GPAT3: variants seen among roughly 807,000 people sequenced by gnomAD.
The protein encoded by GPAT3 is glycerol-3-phosphate acyltransferase 3, also known as 1-AGP acyltransferase 9.
GPAT3 carries 53 observed loss-of-function variants against 58.8 expected under a neutral mutation model. The observed-to-expected ratio is 0.90, with a 90% confidence interval of 0.72 to 1.13. GPAT3 has a LOEUF of 1.13. Ranked by LOEUF, GPAT3 falls within the 50% of genes most tolerant of loss-of-function variation. The pLI is 0.00. For missense variants in GPAT3, 511 were observed against 527.6 expected (o/e 0.97, Z 0.31); for synonymous variants, 197 against 187.4 (o/e 1.05, Z -0.42).
intron 2 of GPAT3, among the ~76,000 whole-genome samples, chr4:83,562,646 A>G (rs1014143411): frequency 1.3e-5 from 2 of 152,162 alleles, no homozygotes; most frequent in African/African-American, 4.8e-5. Context: ...TAGTAGATTT[A>G]ATGAACTCAC....
At chr4:83,552,849 G>A (rs1724803999) in intron 2 of GPAT3, among the ~76,000 whole-genome samples, 1 of 152,274 alleles carries the variant, frequency 6.6e-6, no homozygotes, top group South Asian at 2.1e-4. Flanking sequence ...ATTAAGTCAT[G>A]AAGGTAGAGC....
chr4:83,545,015 A>G (rs1252121266), intron 2 of GPAT3, among the ~76,000 whole-genome samples: 2 of 152,220 alleles, frequency 1.3e-5, no homozygotes, highest in Non-Finnish European at 2.9e-5. Flanking sequence ...TTTTCTGCTG[A>G]AGGCTAATTG....
chr4:83,595,039 G>A lies in GPAT3; in HGVS notation c.854+79G>A, dbSNP rs544995104. 2.3e-5 allele frequency: 27 copies of A among 1,195,752 alleles called. No individual in the cohort carries two copies. The East Asian group carries it at 4.0e-4, about 18-fold the overall frequency. The allele number at this position is 1,195,752 out of a possible 1,614,324, so 74.1% of individuals were successfully genotyped here. ...CTTGGCCTTGCTACCAAAGAGGGCC[G>A]AGCAGCACTGAGTCTCAAAACTGAA... On this transcript the variant is annotated intron_variant, in intron 7 of 11. Transcript: ENST00000264409.
intron 11 of GPAT3, among the ~76,000 whole-genome samples, 165 bp downstream of exon 11, chr4:83,598,888 C>G (rs113933654): frequency 0.025 from 3,612 of 146,344 alleles, 145 homozygotes; most frequent in African/African-American, 0.085. Context: ...CGCCTGGGCT[C>G]AAGGGATCCT....
At chr4:83,555,824 A>T (rs28463240) in intron 2 of GPAT3, among the ~76,000 whole-genome samples, 2 of 152,078 alleles carry the variant, frequency 1.3e-5, no homozygotes, top group Non-Finnish European at 2.9e-5. Flanking sequence ...CTCTAACTCC[A>T]GGTAGATAGT....
chr4:83,563,158 T>A (rs979680086), intron 2 of GPAT3, among the ~76,000 whole-genome samples: 4 of 152,172 alleles, frequency 2.6e-5, no homozygotes, highest in South Asian at 2.1e-4. Context: ...CATACTGATG[T>A]TTTTCTGGGA....
intron 1 of GPAT3, among the ~76,000 whole-genome samples, chr4:83,543,104 A>G (rs1421379823): frequency 1.3e-5 from 2 of 152,210 alleles, no homozygotes; most frequent in East Asian, 3.8e-4. Flanking sequence ...GTTTGAGTAC[A>G]GTCTGGTCGA....
intron 2 of GPAT3, among the ~76,000 whole-genome samples, chr4:83,560,183 GCC>G (rs1174155661): frequency 6.6e-6 from 1 of 152,160 alleles, no homozygotes; most frequent in East Asian, 1.9e-4. Context: ...TTGCCTAGAG[GCC>G]CATGAAGTTT....
intron 2 of GPAT3, among the ~76,000 whole-genome samples, chr4:83,579,229 T>G (rs539139830): frequency 8.2e-4 from 117 of 141,978 alleles, no homozygotes; most frequent in Non-Finnish European, 7.5e-4. Flanking sequence ...CTTCCTTCCT[T>G]CTCTCCCTCT....
intron 4 of GPAT3, among the ~76,000 whole-genome samples, chr4:83,587,992 A>G (rs1297176231): frequency 6.6e-6 from 1 of 152,192 alleles, no homozygotes. Flanking sequence ...ACTTTTCATT[A>G]GAGTTATGTC....
At position 83,576,896 on chromosome 4, in the gene GPAT3, G is replaced by C. The variant is rs558583087; in HGVS notation, c.209-4666G>C. The stretch of plus-strand genomic sequence containing the variant: ...AGCAGGTTATTTACGTAGTCTCAAA[G>C]TATCTCCCCTTTATAGATGCTTGTA... On this transcript the variant is annotated intron_variant, in intron 2 of 11. Coordinates refer to ENST00000264409, the MANE Select transcript of GPAT3 (RefSeq NM_032717.5). Among the ~76,000 whole-genome samples the C allele has an allele frequency of 3.9e-4, 60 of 152,258 alleles. 1 individual carries two copies. The South Asian group carries it at 8.7e-3, about 22-fold the overall frequency.
chr4:83,597,567 G>T, intron 9 of GPAT3, 52 bp downstream of exon 9: 2 of 1,264,690 alleles, frequency 1.6e-6, no homozygotes, highest in Non-Finnish European at 2.1e-6. Flanking sequence ...ATATTGGATT[G>T]GTAATTTTAT....
intron 2 of GPAT3, among the ~76,000 whole-genome samples, chr4:83,560,271 G>A (rs1307158332): frequency 6.6e-6 from 1 of 152,204 alleles, no homozygotes; most frequent in Non-Finnish European, 1.5e-5. Flanking sequence ...TTGTGAACAA[G>A]AGCAAGAGGA....
intron 11 of GPAT3, among the ~76,000 whole-genome samples, chr4:83,599,291 T>C (rs1403069660): frequency 1.3e-5 from 2 of 152,190 alleles, no homozygotes; most frequent in African/African-American, 4.8e-5. Flanking sequence ...GCTTCTCTTA[T>C]GGTCTAAGAT....
chr4:83,547,584 T>G (rs1411721838), intron 2 of GPAT3, among the ~76,000 whole-genome samples: 1 of 152,026 alleles, frequency 6.6e-6, no homozygotes, highest in Non-Finnish European at 1.5e-5. Flanking sequence ...AAACACATTT[T>G]TTTTTTTGAA....
At chr4:83,541,716 C>T (rs1724311020) in intron 1 of GPAT3, among the ~76,000 whole-genome samples, 1 of 152,096 alleles carries the variant, frequency 6.6e-6, no homozygotes, top group South Asian at 2.1e-4. Flanking sequence ...AACAAAGTAC[C>T]ACAGACTGGT....
intron 2 of GPAT3, among the ~76,000 whole-genome samples, chr4:83,567,141 A>C (rs1038130216): frequency 6.6e-5 from 10 of 151,214 alleles, no homozygotes. Flanking sequence ...CCTAGTTTGT[A>C]CTTCATTTTT....
chr4:83,578,460 G>A (rs978193135), intron 2 of GPAT3, among the ~76,000 whole-genome samples: 12 of 152,092 alleles, frequency 7.9e-5, no homozygotes, highest in Non-Finnish European at 1.8e-4. Context: ...GAGGGCTGGC[G>A]TTGTTTGCAG....
chr4:83,583,667 GAAAAAAAAAAAAAA>G (rs749976752), intron 3 of GPAT3, among the ~76,000 whole-genome samples: 4 of 23,462 alleles, frequency 1.7e-4, no homozygotes, highest in East Asian at 1.4e-3. Flanking sequence ...ACTCTTGTCT[GAAAAAAAAAAAAAA>G]AAAAAAAAAA....
Sources: allele counts gnomAD v4.1 joint callset (sites outside exome capture counted in the v4.1 genomes callset), GRCh38; gene constraint gnomAD v4.1.1; transcripts MANE v1.5; gene names NCBI Gene and HGNC (gene_info 2026-07-23, HGNC 2026-07-21).